Variants in PDE1C observed in about 807,000 individuals in gnomAD.
PDE1C encodes the protein phosphodiesterase 1C.
Under a neutral mutation model 93.1 loss-of-function variants are expected in PDE1C, and 62 were observed. The observed-to-expected ratio is 0.67, with a 90% CI of 0.54 to 0.82. The LOEUF is 0.82. Ranked by LOEUF, PDE1C falls within the 40% of genes least tolerant of loss-of-function variation. The pLI is 0.00. For missense variants in PDE1C, 742 were observed against 884.6 expected, an observed-to-expected ratio of 0.84 and a Z score of 2.04; for synonymous variants, 325 against 310.1, an observed-to-expected ratio of 1.05 and a Z score of -0.50.
chr7:32,340,126 G>A (rs756759730), intron 1 of PDE1C, among the ~76,000 whole-genome samples: 5 of 152,124 alleles, frequency 3.3e-5, no homozygotes, highest in Admixed American at 1.3e-4. Context: ...TTACCAGAGT[G>A]GGAGCATTAA....
At chr7:32,185,420 T>C (rs1803788319) in intron 2 of PDE1C, among the ~76,000 whole-genome samples, 4 of 152,198 alleles carry the variant, frequency 2.6e-5, no homozygotes, top group Admixed American at 2.6e-4. Flanking sequence ...TCTTTTACGT[T>C]GTTTTTATCC....
Position 31,829,691 on chromosome 7 carries a change from T to G in PDE1C, c.1204-1318A>C, listed in dbSNP as rs1164431684. ...AGTCCCTAAGTGGCTCAGTTCCTTC[T>G]GCACCCTCTTCCTATATAGACACCC... On this transcript the variant is annotated intron_variant, in intron 11 of 17. Transcript: ENST00000396191. Among the ~76,000 whole-genome samples, 4 of 152,266 alleles carry G rather than the reference T, an allele frequency of 2.6e-5. No homozygotes were observed. The East Asian group carries it at 7.7e-4, about 29-fold the overall frequency.
intron 5 of PDE1C, 124 bp downstream of exon 5, chr7:31,877,845 GA>G: frequency 1.6e-6 from 1 of 620,254 alleles, no homozygotes; most frequent in Non-Finnish European, 2.8e-6. Flanking sequence ...AAAAGATAAT[GA>G]AAGAATAAAG....
At chr7:31,663,177 A>C in the PDE1C span, among the ~76,000 whole-genome samples, 1 of 152,088 alleles carries the variant, frequency 6.6e-6, no homozygotes, top group East Asian at 1.9e-4. Context: ...CTGGCTAGAA[A>C]ACTGTGGCTT....
intron 2 of PDE1C, among the ~76,000 whole-genome samples, chr7:31,983,952 T>C (rs975277225): frequency 6.6e-6 from 1 of 151,974 alleles, no homozygotes; most frequent in Admixed American, 6.6e-5. Flanking sequence ...GTGGAGTAGG[T>C]CAAAGATGCT....
At chr7:32,362,795 T>A (rs1267606430) in intron 1 of PDE1C, among the ~76,000 whole-genome samples, 5 of 152,194 alleles carry the variant, frequency 3.3e-5, no homozygotes, top group Non-Finnish European at 7.4e-5. Context: ...CAGCGTCTGC[T>A]GCACTCCCCT....
intron 11 of PDE1C, among the ~76,000 whole-genome samples, chr7:31,832,916 T>C (rs1454681441): frequency 6.6e-6 from 1 of 152,226 alleles, no homozygotes; most frequent in Non-Finnish European, 1.5e-5. Context: ...ATGAGTTAGC[T>C]ATTATCTATC....
chr7:32,211,347 T>C (rs1288413682), intron 1 of PDE1C, among the ~76,000 whole-genome samples: 2 of 152,244 alleles, frequency 1.3e-5, no homozygotes, highest in Non-Finnish European at 2.9e-5. Flanking sequence ...TAAAATGTTT[T>C]GTAGAACCAC....
At chr7:31,866,120 C>T (rs537785655) in intron 6 of PDE1C, among the ~76,000 whole-genome samples, 113 of 151,912 alleles carry the variant, frequency 7.4e-4, no homozygotes, top group African/African-American at 2.6e-3. Context: ...TTTCTGGATC[C>T]ATTCCATGGT....
In PDE1C at chr7:32,404,643, T is replaced by A. The variant is rs143934140; in HGVS notation, c.310+23179A>T. Among the ~76,000 whole-genome samples, 65 of 152,262 alleles carry A rather than the reference T, an allele frequency of 4.3e-4. 1 individual carries two copies. The highest frequency in any genetic ancestry group is 1.5e-3 in the African/African-American group (62 of 41,554). ...GAGCCACTGTGCCCAGCCTAGTTAT[T>A]TTTCAATAGCTGTTATTTATGTATT... On this transcript the variant is annotated intron_variant, in intron 1 of 1. Coordinates refer to the PDE1C transcript ENST00000672256.
chr7:31,930,661 A>C (rs1226672075), intron 2 of PDE1C, among the ~76,000 whole-genome samples: 1 of 151,938 alleles, frequency 6.6e-6, no homozygotes, highest in East Asian at 1.9e-4. Context: ...TAACACAGTG[A>C]AACCTCATCT....
intron 1 of PDE1C, among the ~76,000 whole-genome samples, chr7:32,293,406 C>A (rs1480243570): frequency 2.6e-5 from 4 of 152,154 alleles, no homozygotes; most frequent in Non-Finnish European, 4.4e-5. Flanking sequence ...AGGCAAAAGA[C>A]AGGGCTGCTC....
At chr7:32,275,042 T>A (rs1286032837) in intron 1 of PDE1C, among the ~76,000 whole-genome samples, 1 of 152,202 alleles carries the variant, frequency 6.6e-6, no homozygotes, top group East Asian at 1.9e-4. Flanking sequence ...TTCCTCTTTT[T>A]TATAAATAAA....
chr7:32,118,042 G>A (rs2128761548), intron 3 of PDE1C, among the ~76,000 whole-genome samples: 1 of 152,286 alleles, frequency 6.6e-6, no homozygotes, highest in South Asian at 2.1e-4. Flanking sequence ...TGCAACAAGA[G>A]GAAGACAGAC....
the PDE1C span, among the ~76,000 whole-genome samples, chr7:31,620,264 C>T: frequency 6.6e-6 from 1 of 151,976 alleles, no homozygotes; most frequent in Admixed American, 6.6e-5. Flanking sequence ...AGTGGTTCTC[C>T]CAGCATGCAG....
At chr7:31,900,451 G>C (rs1240759594) in intron 2 of PDE1C, among the ~76,000 whole-genome samples, 1 of 144,626 alleles carries the variant, frequency 6.9e-6, no homozygotes, top group Non-Finnish European at 1.5e-5. Flanking sequence ...ATCCTTTATT[G>C]AAAGTTGTGA....
chr7:32,100,571 A>G (rs1797989701), intron 3 of PDE1C, among the ~76,000 whole-genome samples: 1 of 152,216 alleles, frequency 6.6e-6, no homozygotes, highest in Admixed American at 6.5e-5. Context: ...TTAGAGTCAA[A>G]CATTGATCAG....
chr7:31,812,929 C>T (rs1161918345), intron 15 of PDE1C, among the ~76,000 whole-genome samples: 1 of 152,036 alleles, frequency 6.6e-6, no homozygotes, highest in Non-Finnish European at 1.5e-5. Context: ...TTAATGGTTG[C>T]TTGACTTTAC....
At chr7:31,977,896 T>C (rs1314067511) in intron 2 of PDE1C, among the ~76,000 whole-genome samples, 1 of 152,198 alleles carries the variant, frequency 6.6e-6, no homozygotes, top group East Asian at 1.9e-4. Flanking sequence ...GTATCCAAAT[T>C]GCCTGCTTAC....
Sources: allele counts gnomAD v4.1 joint callset (sites outside exome capture counted in the v4.1 genomes callset), GRCh38; gene constraint gnomAD v4.1.1; transcripts MANE v1.5; gene names NCBI Gene and HGNC (gene_info 2026-07-23, HGNC 2026-07-21).